Variants in UBE2R2 observed in about 807,000 individuals in gnomAD.
The protein encoded by UBE2R2 is ubiquitin conjugating enzyme E2 R2, also known as ubiquitin-conjugating enzyme E2 R2.
In UBE2R2, 1 loss-of-function variant was observed where a neutral mutation model predicts 27.8. That is an observed-to-expected ratio of 0.04 (90% confidence interval 0.01 to 0.17). The LOEUF (loss-of-function observed/expected upper bound fraction) is 0.17, where lower values mean the gene tolerates loss of function less well. UBE2R2 is among the 10% of genes least tolerant of loss of function. The probability of loss-of-function intolerance (pLI) is 1.00; values close to 1 mark genes in which losing one functional copy is unlikely to be tolerated. For missense variants in UBE2R2, 100 were observed against 291.0 expected, an observed-to-expected ratio of 0.34 and a Z score of 4.78; for synonymous variants, 106 against 113.3, an observed-to-expected ratio of 0.94 and a Z score of 0.41.
At chr9:33,902,369 A>G (rs962527803) in intron 3 of UBE2R2, among the ~76,000 whole-genome samples, 1 of 152,102 alleles carries the variant, frequency 6.6e-6, no homozygotes, top group Non-Finnish European at 1.5e-5. Context: ...TTATCTATAC[A>G]AGAATAATAC....
chr9:33,845,668 T>A (rs1820828525), intron 1 of UBE2R2, among the ~76,000 whole-genome samples: 1 of 152,202 alleles, frequency 6.6e-6, no homozygotes, highest in Admixed American at 6.5e-5. Flanking sequence ...GCTGTTTTAT[T>A]TTCATTATTT....
chr9:33,885,140 T>A (rs1821829893), intron 1 of UBE2R2, among the ~76,000 whole-genome samples: 1 of 152,218 alleles, frequency 6.6e-6, no homozygotes, highest in Non-Finnish European at 1.5e-5. Flanking sequence ...TGCAAACTCT[T>A]TACTTTCTTG....
At chr9:33,882,442 G>A (rs1398429360) in intron 1 of UBE2R2, among the ~76,000 whole-genome samples, 1 of 152,022 alleles carries the variant, frequency 6.6e-6, no homozygotes, top group Non-Finnish European at 1.5e-5. Context: ...ACCTGCCACT[G>A]CACCTGGCTA....
intron 1 of UBE2R2, among the ~76,000 whole-genome samples, chr9:33,855,586 A>G (rs1044775651): frequency 2.6e-5 from 4 of 152,260 alleles, no homozygotes; most frequent in African/African-American, 9.6e-5. Flanking sequence ...CAGGCAACAC[A>G]AAATCAGCAT....
At chr9:33,870,908 A>G (rs886582736) in intron 1 of UBE2R2, among the ~76,000 whole-genome samples, 1 of 152,178 alleles carries the variant, frequency 6.6e-6, no homozygotes, top group Non-Finnish European at 1.5e-5. Context: ...CCCAATATTA[A>G]ATCAATTACA....
intron 1 of UBE2R2, among the ~76,000 whole-genome samples, chr9:33,822,256 T>C (rs959775772): frequency 7.3e-5 from 11 of 151,524 alleles, no homozygotes; most frequent in African/African-American, 2.7e-4. Context: ...CATGCCCAGC[T>C]AATTCTGTAT....
At chr9:33,828,301 CAAAA>C (rs774959128) in intron 1 of UBE2R2, among the ~76,000 whole-genome samples, 1 of 82,182 alleles carries the variant, frequency 1.2e-5, no homozygotes, top group Admixed American at 1.3e-4. Context: ...GACTATTTCT[CAAAA>C]AAAAAAAAAA....
intron 1 of UBE2R2, among the ~76,000 whole-genome samples, chr9:33,829,464 T>C (rs575539440): frequency 3.7e-4 from 56 of 152,266 alleles, no homozygotes; most frequent in Non-Finnish European, 5.0e-4. Context: ...ATGGGTACAC[T>C]GAATGCCTAG....
intron 1 of UBE2R2, among the ~76,000 whole-genome samples, chr9:33,858,409 A>G (rs187757513): frequency 1.3e-5 from 2 of 152,248 alleles, no homozygotes; most frequent in East Asian, 1.9e-4. Context: ...ATAATAGAGT[A>G]TAGATGTTAA....
intron 1 of UBE2R2, among the ~76,000 whole-genome samples, chr9:33,854,667 T>C (rs1821058301): frequency 1.3e-5 from 2 of 151,990 alleles, no homozygotes; most frequent in Non-Finnish European, 2.9e-5. Context: ...CTTTTATTTT[T>C]TTCTACATGA....
rs1004266463 is a variant in UBE2R2, at chr9:33,896,585, G to A, written c.265-3589G>A. On this transcript the variant is annotated intron_variant, in intron 2 of 4. Coordinates refer to ENST00000263228, the MANE Select transcript of UBE2R2 (RefSeq NM_017811.4). ...AGCCTTCTGAGTAGCTGGGACTACC[G>A]GCGCTGTGTCATGACTGGCTATTTT... Among the ~76,000 whole-genome samples, 3 of 151,396 alleles carry A rather than the reference G, an allele frequency of 2.0e-5. 1 individual carries two copies. Among genetic ancestry groups the A allele is most frequent in the Admixed American group, 1.3e-4 (2 of 15,178 alleles).
At chr9:33,867,972 C>T (rs1821400305) in intron 1 of UBE2R2, among the ~76,000 whole-genome samples, 1 of 152,188 alleles carries the variant, frequency 6.6e-6, no homozygotes, top group Admixed American at 6.6e-5. Flanking sequence ...CCCCTGTCCT[C>T]TCAGCACCCT....
intron 1 of UBE2R2, among the ~76,000 whole-genome samples, chr9:33,848,827 C>T (rs1376242822): frequency 6.6e-6 from 1 of 151,800 alleles, no homozygotes; most frequent in African/African-American, 2.4e-5. Context: ...TGGTCTCGAG[C>T]TCTTGACCTC....
At chr9:33,876,181 G>T (rs201672210) in intron 1 of UBE2R2, among the ~76,000 whole-genome samples, 2,799 of 152,200 alleles carry the variant, frequency 0.018, 72 homozygotes, top group East Asian at 0.12. Context: ...GACCAACATG[G>T]TGAAACCCTG....
At chr9:33,882,819 T>C (rs1397317317) in intron 1 of UBE2R2, among the ~76,000 whole-genome samples, 1 of 152,230 alleles carries the variant, frequency 6.6e-6, no homozygotes, top group East Asian at 1.9e-4. Flanking sequence ...CCGAGGATAG[T>C]GGCTGATACC....
At chr9:33,898,517 T>C (rs1242248961) in intron 2 of UBE2R2, among the ~76,000 whole-genome samples, 1 of 152,178 alleles carries the variant, frequency 6.6e-6, no homozygotes, top group African/African-American at 2.4e-5. Context: ...TATATATTCA[T>C]ATAGTTTCTA....
intron 2 of UBE2R2, among the ~76,000 whole-genome samples, chr9:33,896,360 T>C (rs1437143363): frequency 2.6e-5 from 4 of 152,176 alleles, no homozygotes; most frequent in Admixed American, 2.0e-4. Context: ...AAAGCAGGCA[T>C]CCTTGTCAAG....
At position 33,817,877 on chromosome 9, in the gene UBE2R2, C is replaced by T; in HGVS notation, c.120C>T (p.Asn40=). 1 of 1,611,728 alleles carries T rather than the reference C, an allele frequency of 6.2e-7. No homozygotes were observed. Among genetic ancestry groups the T allele is most frequent in the Non-Finnish European group, 8.5e-7 (1 of 1,178,684 alleles). Reference sequence around the variant, plus strand: ...TGGTGGACGAGTCCGACCTCTACAACTGGGAGGTGGCCATCTTCGGACCCC... The same window carrying T: ...TGGTGGACGAGTCCGACCTCTACAATTGGGAGGTGGCCATCTTCGGACCCC... ...ITLVDESDLY[N]WEVAIFGPPN... is the part of the protein sequence containing the mutation. Residue 40 remains asparagine (N), a synonymous_variant, in exon 1 of 5, where the codon AAC becomes AAT. Transcript: ENST00000263228.
chr9:33,855,085 T>C (rs944155199), intron 1 of UBE2R2, among the ~76,000 whole-genome samples: 1 of 152,186 alleles, frequency 6.6e-6, no homozygotes, highest in Non-Finnish European at 1.5e-5. Flanking sequence ...ATTTGTTACT[T>C]GACATATTTT....
Sources: gnomAD v4.1 joint callset for allele counts (sites outside exome capture counted in the v4.1 genomes callset) on GRCh38, gnomAD v4.1.1 for gene constraint, MANE v1.5 for transcripts, NCBI Gene and HGNC (gene_info 2026-07-23, HGNC 2026-07-21) for gene names.